The following PABPC4L variants were observed in gnomAD, a reference collection of about 807,000 sequenced individuals.
PABPC4L encodes poly(A) binding protein cytoplasmic 4 like.
For synonymous variants in PABPC4L, 169 were observed against 164.1 expected (o/e 1.03, Z -0.23); for missense variants, 452 against 451.4 (o/e 1.00, Z -0.01).
chr4:134,068,907 A>G, the PABPC4L span, among the ~76,000 whole-genome samples: 1 of 151,836 alleles, frequency 6.6e-6, no homozygotes, highest in Non-Finnish European at 1.5e-5. Flanking sequence ...ACGAGGTTTC[A>G]CCATTTTGGC....
the PABPC4L span, among the ~76,000 whole-genome samples, chr4:134,112,306 T>C: frequency 6.6e-6 from 1 of 151,956 alleles, no homozygotes; most frequent in South Asian, 2.1e-4. Context: ...TAAAAATTGG[T>C]TTGCATTTCA....
chr4:134,065,304 G>T, the PABPC4L span, among the ~76,000 whole-genome samples: 1 of 149,276 alleles, frequency 6.7e-6, no homozygotes, highest in Admixed American at 6.7e-5. Flanking sequence ...GGTGTGAGAT[G>T]ATATCTCATT....
chr4:134,040,208 A>G, the PABPC4L span, among the ~76,000 whole-genome samples: 5 of 149,526 alleles, frequency 3.3e-5, no homozygotes, highest in Admixed American at 6.7e-5. Context: ...AGAATTGGAA[A>G]AAAAAAAAAA....
At chr4:134,113,982 T>G in the PABPC4L span, among the ~76,000 whole-genome samples, 1 of 152,022 alleles carries the variant, frequency 6.6e-6, no homozygotes, top group Non-Finnish European at 1.5e-5. Context: ...TATTTAAATC[T>G]GGGTGTTATG....
chr4:134,021,060 T>A, the PABPC4L span, among the ~76,000 whole-genome samples: 2 of 152,142 alleles, frequency 1.3e-5, no homozygotes, highest in Non-Finnish European at 2.9e-5. Flanking sequence ...AAGGCTTGTA[T>A]GTCCCAGGAT....
chr4:134,116,607 A>C, the PABPC4L span, among the ~76,000 whole-genome samples: 288 of 151,920 alleles, frequency 1.9e-3, 1 homozygote, highest in Non-Finnish European at 3.1e-3. Context: ...TATGCTCCTA[A>C]TATGGCTATT....
the PABPC4L span, among the ~76,000 whole-genome samples, chr4:134,036,263 A>T: frequency 6.6e-6 from 1 of 152,128 alleles, no homozygotes; most frequent in African/African-American, 2.4e-5. Context: ...ATACTGAATA[A>T]ACCTTTACCT....
At chr4:133,970,438 T>A in the PABPC4L span, among the ~76,000 whole-genome samples, 1 of 152,198 alleles carries the variant, frequency 6.6e-6, no homozygotes, top group African/African-American at 2.4e-5. Context: ...GACCCACAGC[T>A]AAAGCATCCC....
At chr4:133,988,696 C>G in the PABPC4L span, among the ~76,000 whole-genome samples, 1 of 152,266 alleles carries the variant, frequency 6.6e-6, no homozygotes, top group African/African-American at 2.4e-5. Flanking sequence ...ATCTACCATT[C>G]TGGGGTCTGG....
chr4:133,977,811 C>G, the PABPC4L span, among the ~76,000 whole-genome samples: 4 of 152,250 alleles, frequency 2.6e-5, no homozygotes, highest in African/African-American at 9.6e-5. Context: ...ATGCCAGATG[C>G]TATGTATTTT....
the PABPC4L span, among the ~76,000 whole-genome samples, chr4:134,150,087 C>CT: frequency 0.45 from 64,440 of 142,172 alleles, 16,787 homozygotes; most frequent in East Asian, 0.97. Context: ...TTTATTATGT[C>CT]TTTTTTTTTT....
chr4:134,096,273 T>C, the PABPC4L span, among the ~76,000 whole-genome samples: 1 of 151,968 alleles, frequency 6.6e-6, no homozygotes, highest in Non-Finnish European at 1.5e-5. Context: ...AAACACACAG[T>C]AGATAAATCA....
At chr4:134,128,439 A>G in the PABPC4L span, among the ~76,000 whole-genome samples, 4 of 152,032 alleles carry the variant, frequency 2.6e-5, no homozygotes, top group South Asian at 8.3e-4. Flanking sequence ...TATAAAGGAA[A>G]ATCAACTGCA....
the PABPC4L span, among the ~76,000 whole-genome samples, chr4:134,141,576 T>A: frequency 2.2e-4 from 33 of 151,226 alleles, no homozygotes; most frequent in African/African-American, 7.7e-4. Flanking sequence ...AGGCAATTAA[T>A]GTCTTGTTAT....
At chr4:134,059,792 G>T in the PABPC4L span, among the ~76,000 whole-genome samples, 1 of 151,982 alleles carries the variant, frequency 6.6e-6, no homozygotes. Flanking sequence ...GAAGCAAGAT[G>T]GCCAAATAGA....
the PABPC4L span, among the ~76,000 whole-genome samples, chr4:133,984,532 T>C: frequency 6.6e-6 from 1 of 151,910 alleles, no homozygotes; most frequent in Non-Finnish European, 1.5e-5. Flanking sequence ...GTAGACTAGA[T>C]AGTAACTAGA....
At chr4:133,988,752 T>C in the PABPC4L span, among the ~76,000 whole-genome samples, 7 of 152,168 alleles carry the variant, frequency 4.6e-5, no homozygotes, top group African/African-American at 1.4e-4. Flanking sequence ...AGTGTGCCAG[T>C]TGGGACCCTG....
chr4:134,017,843 CT>C, the PABPC4L span, among the ~76,000 whole-genome samples: 1 of 152,090 alleles, frequency 6.6e-6, no homozygotes, highest in Non-Finnish European at 1.5e-5. Context: ...CATGCCGCCC[CT>C]AATCCCGCTT....
chr4:134,194,304 G>C (rs1238514306), downstream of PABPC4L, among the ~76,000 whole-genome samples: 1 of 151,734 alleles, frequency 6.6e-6, no homozygotes, highest in Non-Finnish European at 1.5e-5. Context: ...TAGGCACTGA[G>C]AATAGTTTAT....
Sources: allele counts gnomAD v4.1 joint callset (sites outside exome capture counted in the v4.1 genomes callset), GRCh38; gene constraint gnomAD v4.1.1; transcripts MANE v1.5; gene names NCBI Gene and HGNC (gene_info 2026-07-23, HGNC 2026-07-21).